The following RIPOR2 variants were observed in gnomAD, a reference collection of about 807,000 sequenced individuals.
RIPOR2 encodes the protein RHO family interacting cell polarization regulator 2.
RIPOR2 carries 39 observed loss-of-function variants against 114.5 expected under a neutral mutation model. The observed-to-expected ratio is 0.34, with a 90% confidence interval of 0.26 to 0.44. The LOEUF is 0.44. Among genes scored for constraint, RIPOR2 ranks in the 20% least tolerant of loss-of-function variants. The probability of loss-of-function intolerance (pLI) is 1.00; values close to 1 mark genes in which losing one functional copy is unlikely to be tolerated. For missense variants in RIPOR2, 1,007 were observed against 1,255.1 expected (o/e 0.80, Z 2.99); for synonymous variants, 445 against 484.4 (o/e 0.92, Z 1.07).
At chr6:24,867,111 G>GATTAAAGGA (rs1764683323) in intron 6 of RIPOR2, among the ~76,000 whole-genome samples, 1 of 152,210 alleles carries the variant, frequency 6.6e-6, no homozygotes, top group African/African-American at 2.4e-5. Flanking sequence ...AGGATTCTTT[G>GATTAAAGGA]TTGCTATTTA....
intron 13 of RIPOR2, chr6:24,840,492 T>C (rs1354453659): frequency 2.9e-6 from 4 of 1,387,440 alleles, no homozygotes; most frequent in South Asian, 1.5e-5. Flanking sequence ...GAGAGAAGTA[T>C]TTCCAAATAT....
chr6:25,021,065 G>C (rs978120939), intron 1 of RIPOR2, among the ~76,000 whole-genome samples: 2 of 152,068 alleles, frequency 1.3e-5, no homozygotes, highest in Non-Finnish European at 2.9e-5. Flanking sequence ...CACTGTGTTG[G>C]CCAGGCTGGT....
intron 1 of RIPOR2, among the ~76,000 whole-genome samples, chr6:24,979,167 T>A (rs1774191429): frequency 6.6e-6 from 1 of 152,108 alleles, no homozygotes; most frequent in Non-Finnish European, 1.5e-5. Flanking sequence ...CTGTCGTGCA[T>A]CCTATCTATA....
intron 1 of RIPOR2, among the ~76,000 whole-genome samples, chr6:24,964,724 A>C (rs1461377532): frequency 6.6e-6 from 1 of 152,248 alleles, no homozygotes; most frequent in Non-Finnish European, 1.5e-5. Context: ...CTAATTTCCC[A>C]AGTGGATATA....
chr6:24,869,977 A>G (rs1396102128), intron 5 of RIPOR2, among the ~76,000 whole-genome samples: 2 of 152,212 alleles, frequency 1.3e-5, no homozygotes, highest in Non-Finnish European at 1.5e-5. Context: ...AATGTCTTCA[A>G]AAAGAACACA....
At chr6:24,976,972 A>G (rs1404450363) in intron 1 of RIPOR2, 1 of 1,547,060 alleles carries the variant, frequency 6.5e-7, no homozygotes, top group Non-Finnish European at 8.8e-7. Flanking sequence ...ACTGTGGACA[A>G]CTCGAATAAG....
chr6:24,891,149 CGT>C (rs367821584), intron 1 of RIPOR2, among the ~76,000 whole-genome samples: 255 of 152,254 alleles, frequency 1.7e-3, no homozygotes, highest in African/African-American at 4.5e-3. Flanking sequence ...GTGCTGTGTA[CGT>C]GTGTGCCGTC....
chr6:24,986,060 C>T (rs1774515914), intron 1 of RIPOR2, among the ~76,000 whole-genome samples: 1 of 152,156 alleles, frequency 6.6e-6, no homozygotes. Flanking sequence ...AAACTTCTTC[C>T]ACAGAATTCT....
intron 1 of RIPOR2, among the ~76,000 whole-genome samples, chr6:24,928,199 A>G (rs190620620): frequency 1.0e-3 from 155 of 152,358 alleles, no homozygotes; most frequent in Non-Finnish European, 1.7e-3. Flanking sequence ...ATCCCTCAGC[A>G]TATGAACCAC....
At chr6:25,035,989 TG>T (rs1777230761) in intron 1 of RIPOR2, among the ~76,000 whole-genome samples, 3 of 152,166 alleles carry the variant, frequency 2.0e-5, no homozygotes, top group Admixed American at 2.0e-4. Flanking sequence ...TACCTCCTTG[TG>T]TAGAATTGTC....
intron 4 of RIPOR2, among the ~76,000 whole-genome samples, chr6:24,871,426 A>C (rs1765161029): frequency 6.6e-6 from 1 of 152,224 alleles, no homozygotes; most frequent in African/African-American, 2.4e-5. Context: ...ATCTCGGCTC[A>C]CCGCAACTTC....
intron 1 of RIPOR2, among the ~76,000 whole-genome samples, chr6:24,917,401 A>G (rs535562218): frequency 2.0e-5 from 3 of 152,248 alleles, no homozygotes; most frequent in Non-Finnish European, 4.4e-5. Flanking sequence ...CATTTAATCA[A>G]TATGTATTAT....
At chr6:24,975,177 TAA>T (rs1295381130) in intron 1 of RIPOR2, among the ~76,000 whole-genome samples, 1 of 152,196 alleles carries the variant, frequency 6.6e-6, no homozygotes, top group African/African-American at 2.4e-5. Flanking sequence ...CTAAAATAAA[TAA>T]TGAATCTCTA....
chr6:24,819,744 G>A (rs1018157911), intron 19 of RIPOR2, among the ~76,000 whole-genome samples: 4 of 145,572 alleles, frequency 2.7e-5, no homozygotes, highest in South Asian at 2.2e-4. Flanking sequence ...CTTGTGATCC[G>A]CCCACCTCGG....
At chr6:24,871,000 A>C in intron 4 of RIPOR2, 111 bp from the exon 5 acceptor site, 1 of 613,668 alleles carries the variant, frequency 1.6e-6, no homozygotes, top group Non-Finnish European at 2.7e-6. Flanking sequence ...AATAATGATC[A>C]TCCCTACAAA....
intron 1 of RIPOR2, among the ~76,000 whole-genome samples, chr6:25,022,480 A>G (rs1776365999): frequency 6.7e-6 from 1 of 149,314 alleles, no homozygotes; most frequent in Non-Finnish European, 1.5e-5. Context: ...TCATAAGTAA[A>G]GGACAAATAT....
chr6:24,935,761 G>T, intron 1 of RIPOR2, 77 bp downstream of exon 1: 1 of 1,026,154 alleles, frequency 9.7e-7, no homozygotes, highest in Non-Finnish European at 1.5e-6. Flanking sequence ...CCTTGCCCAA[G>T]CTGGGCAAAA....
Position 24,839,106 on chromosome 6 carries a change from T to G in RIPOR2, c.2024A>C (p.Glu675Ala), listed in dbSNP as rs1761384432. The change falls in exon 14 of 22, where the codon GAG becomes GCG. Residue 675 changes from glutamate to alanine, a missense_variant. Coordinates refer to ENST00000643898, the MANE Select transcript of RIPOR2 (RefSeq NM_001286445.3). Reference protein sequence around the residue: ...GGADSVFSDTETEKHSYRSVH... With the variant: ...GGADSVFSDTATEKHSYRSVH... Reference sequence around the variant, plus strand: ...TCAGACTTACCTGTGTTTCTCAGTCTCAGTGTCTGAAAATACTGAGTCAGC... The same window carrying G: ...TCAGACTTACCTGTGTTTCTCAGTCGCAGTGTCTGAAAATACTGAGTCAGC... The G allele has an allele frequency of 6.4e-7, 1 of 1,551,476 alleles. No homozygotes were observed. The highest frequency in any genetic ancestry group is 8.7e-7 in the Non-Finnish European group (1 of 1,146,806).
intron 1 of RIPOR2, among the ~76,000 whole-genome samples, chr6:24,949,509 G>C (rs1016379559): frequency 6.6e-6 from 1 of 152,122 alleles, no homozygotes; most frequent in East Asian, 1.9e-4. Context: ...ACATCTTTAG[G>C]GTCAGGTTTC....
Sources: gnomAD v4.1 joint callset for allele counts (sites outside exome capture counted in the v4.1 genomes callset) on GRCh38, gnomAD v4.1.1 for gene constraint, MANE v1.5 for transcripts, NCBI Gene and HGNC (gene_info 2026-07-23, HGNC 2026-07-21) for gene names.